Variants in TTN observed in about 807,000 individuals in gnomAD.
TTN encodes the protein connectin.
Under a neutral mutation model 3,223.0 loss-of-function variants are expected in TTN, and 1,525 were observed. The observed-to-expected ratio is 0.47, with a 90% CI of 0.45 to 0.49. TTN has a LOEUF of 0.49. TTN is among the 20% of genes least tolerant of loss of function. The pLI is 0.00. For synonymous variants in TTN, 14,094 were observed against 15,161.0 expected (o/e 0.93, Z 5.17); for missense variants, 40,786 against 43,424.0 (o/e 0.94, Z 5.40).
In TTN at chr2:178,757,708, T is replaced by G; in HGVS notation, c.10512A>C (p.Leu3504=). ...PEIQWFHNQQ[L]ILPTKDVVFH... ...AAACTACATCTTTTGTTGGTAGAAT[T>G]AGCTGCTGGTTATGAAACCATTGGA... Residue 3504 remains leucine, a synonymous_variant, in exon 45 of 363, where the codon CTA becomes CTC. Coordinates refer to ENST00000589042, the MANE Select transcript of TTN (RefSeq NM_001267550.2). 1 of 1,613,802 alleles carries G rather than the reference T, an allele frequency of 6.2e-7. No homozygotes were observed. Among genetic ancestry groups the G allele is most frequent in the Non-Finnish European group, 8.5e-7 (1 of 1,179,754 alleles).
At position 178,782,273 on chromosome 2, in the gene TTN, C is replaced by T. The variant is rs767741769; in HGVS notation, c.3319G>A (p.Gly1107Ser). 1.4e-5 allele frequency: 22 copies of T among 1,613,952 alleles called. No homozygotes were observed. Among genetic ancestry groups the T allele is most frequent in the Middle Eastern group, 1.6e-4 (1 of 6,084 alleles). ...CAGTATACATGGGGCTTTGGGTTGC[C>T]GCCAACTTGGCATCCAAACACCACG... ...GSVVFGCQVGGNPKPHVYWKK... is the reference protein window; with the variant it reads ...GSVVFGCQVGSNPKPHVYWKK... Residue 1107 changes from glycine (G) to serine (S), a missense_variant, in exon 20 of 363, where the codon GGC (glycine) becomes AGC (serine). Coordinates refer to ENST00000589042, the MANE Select transcript of TTN (RefSeq NM_001267550.2).
Position 178,575,753 on chromosome 2 carries a change from A to C in TTN, c.70379T>G (p.Leu23460Arg), listed in dbSNP as rs879027466. Residue 23460 changes from leucine (L) to arginine (R), a missense_variant, in exon 326 of 363, where the codon CTG becomes CGG. By Grantham distance (102) the Leu-to-Arg change is moderately radical (BLOSUM62 -2). Coordinates refer to ENST00000589042, the MANE Select transcript of TTN (RefSeq NM_001267550.2). This position sits in a 1 kb window ranked among gnomAD's most constrained non-coding sequence, Gnocchi z 4.0. ...TGTTATACGTGAGCCTCCATCTATCAGAGGGAGGTCCCAGTGCAGGGTGAC... is the reference window on the plus strand; with the variant it reads ...TGTTATACGTGAGCCTCCATCTATCCGAGGGAGGTCCCAGTGCAGGGTGAC... ...DSVTLHWDLP[L>R]IDGGSRITNY... is the part of the protein sequence containing the mutation. 2.5e-6 allele frequency: 4 copies of C among 1,613,388 alleles called. No homozygotes were observed. The African/African-American group carries it at 5.3e-5, about 22-fold the overall frequency.
Position 178,783,764 on chromosome 2 carries a change from G to A in TTN, c.2797C>T (p.Pro933Ser). ...GTAACAGGAATTTCAACAGGTGCTG[G>A]TACTCTTGCTGTTTCTGTTACCTAG... is the stretch of plus-strand genomic sequence containing the variant. The part of the protein sequence containing the change: ...EAKVTETARV[P>S]APVEIPVTPP... Residue 933 changes from proline (P) to serine (S), a missense_variant, in exon 17 of 363, where the codon CCA (proline) becomes TCA (serine). Transcript: ENST00000589042. 6.2e-7 allele frequency: 1 copy of A among 1,612,686 alleles called. No individual in the cohort carries two copies. The highest frequency in any genetic ancestry group is 1.1e-5 in the South Asian group (1 of 91,016).
Position 178,741,735 on chromosome 2 carries a change from A to G in TTN, c.11498T>C (p.Met3833Thr), listed in dbSNP as rs2082519187. The change falls in exon 48 of 363, where the codon ATG becomes ACG. Residue 3833 changes from methionine (M) to threonine (T), a missense_variant. Met to Thr is a moderately conservative substitution (Grantham distance 81, BLOSUM62 -1). Coordinates refer to ENST00000589042, the MANE Select transcript of TTN (RefSeq NM_001267550.2). ...TACAGACAGTGTAGCCACATCCCCCATGCTTATATCAGCATTTGACACTTC... is the reference window on the plus strand; with the variant it reads ...TACAGACAGTGTAGCCACATCCCCCGTGCTTATATCAGCATTTGACACTTC... ...IKEVSNADISMGDVATLSVTV... is the reference protein window; with the variant it reads ...IKEVSNADISTGDVATLSVTV... The G allele has an allele frequency of 6.2e-6, 10 of 1,613,690 alleles. No individual in the cohort carries two copies. Among genetic ancestry groups the G allele is most frequent in the Non-Finnish European group, 8.5e-6 (10 of 1,179,730 alleles).
chr2:178,714,751 T>G (rs573313217), intron 90 of TTN, among the ~76,000 whole-genome samples, 178 bp from the exon 91 acceptor site: 2 of 152,262 alleles, frequency 1.3e-5, no homozygotes, highest in South Asian at 4.1e-4. Flanking sequence ...AAGTTGAATA[T>G]CTCATCTACT....
chr2:178,652,534 C>A lies in TTN; in HGVS notation c.39051G>T (p.Glu13017Asp). ...KPEVPPVKVP[E>D]APKEVVPEKK... ...TTTCAGGAACAACTTCTTTCGGAGC[C>A]TCTGGCACTTAAAAGATATTAGTGA... Residue 13017 changes from glutamate to aspartate, a missense_variant, in exon 202 of 363, where the codon GAG becomes GAT. Transcript: ENST00000589042. 6.2e-7 allele frequency: 1 copy of A among 1,613,356 alleles called. No homozygotes were observed. The highest frequency in any genetic ancestry group is 1.1e-5 in the South Asian group (1 of 91,052).
In TTN at chr2:178,767,945, C is replaced by A. The variant is rs755061460; in HGVS notation, c.9306-21G>T. On this transcript the variant is annotated intron_variant, in intron 39 of 362. Transcript: ENST00000589042. ...TTATTCTATGGATGAAATGGAAATT[C>A]GAGTTTACCGTATGGTGATTCAGAG... is the stretch of plus-strand genomic sequence containing the variant. The A allele has an allele frequency of 2.6e-5, 42 of 1,613,790 alleles. No individual in the cohort carries two copies. In the East Asian group the frequency reaches 9.1e-4, roughly 35 times the overall value.
chr2:178,633,342 T>C lies in TTN; in HGVS notation c.42947-16A>G. 6.2e-7 allele frequency: 1 copy of C among 1,612,998 alleles called. No individual in the cohort carries two copies. Among genetic ancestry groups the C allele is most frequent in the Non-Finnish European group, 8.5e-7 (1 of 1,179,450 alleles). On this transcript the variant is annotated splice_polypyrimidine_tract_variant and intron_variant, in intron 232 of 362. Transcript: ENST00000589042. Reference sequence around the variant, plus strand: ...ATTAGTCGAGCTGAAATGATACAGTTTTGTTAGCATGACTGAACTAATAAA... The same window carrying C: ...ATTAGTCGAGCTGAAATGATACAGTCTTGTTAGCATGACTGAACTAATAAA...
In TTN at chr2:178,570,319, T is replaced by C; in HGVS notation, c.75813A>G (p.Glu25271=). The C allele has an allele frequency of 6.2e-7, 1 of 1,613,310 alleles. No homozygotes were observed. Among genetic ancestry groups the C allele is most frequent in the Non-Finnish European group, 8.5e-7 (1 of 1,179,600 alleles). ...TLSCKVTKLL[E]GNEYTFRIMA... The stretch of plus-strand genomic sequence containing the variant: ...TTATACGGAAAGTATATTCATTGCC[T>C]TCAAGAAGCTTAGTAACCTTGCAGC... Residue 25271 remains glutamate, a synonymous_variant, in exon 326 of 363, where the codon GAA becomes GAG. Coordinates refer to ENST00000589042, the MANE Select transcript of TTN (RefSeq NM_001267550.2).
intron 47 of TTN, among the ~76,000 whole-genome samples, chr2:178,743,278 G>A (rs1424441252): frequency 6.6e-6 from 1 of 152,000 alleles, no homozygotes. Context: ...TGTTGTGGTA[G>A]CAGCTATTAA....
chr2:178,545,337 G>A, intron 344 of TTN, 51 bp downstream of exon 344: 1 of 1,476,560 alleles, frequency 6.8e-7, no homozygotes, highest in Non-Finnish European at 9.0e-7. Context: ...AAAATTATCT[G>A]TCATATAGTT....
Position 178,620,710 on chromosome 2 carries a change from C to G in TTN, c.45895+5G>C, listed in dbSNP as rs1206842325. On this transcript the variant is annotated splice_donor_5th_base_variant and intron_variant, in intron 247 of 362. Coordinates refer to ENST00000589042, the MANE Select transcript of TTN (RefSeq NM_001267550.2). ...AAAATCTCTAGTGGTATATAAATTA[C>G]TTACCTTCTACTATTAGATTGGCTG... The G allele has an allele frequency of 6.2e-7, 1 of 1,611,704 alleles. No individual in the cohort carries two copies.
intron 228 of TTN, 147 bp downstream of exon 228, chr2:178,635,018 T>A: frequency 7.3e-7 from 1 of 1,361,128 alleles, no homozygotes; most frequent in Non-Finnish European, 9.9e-7. Flanking sequence ...CCCCAAATGA[T>A]ACGTAAAATT....
rs867960496 is a variant in TTN at position 178,566,891 on chromosome 2, C to T, written c.79241G>A (p.Gly26414Asp). 4.3e-6 allele frequency: 7 copies of T among 1,613,470 alleles called. No homozygotes were observed. The African/African-American group carries it at 6.7e-5, about 15-fold the overall frequency. Residue 26414 changes from glycine to aspartate, a missense_variant, in exon 326 of 363, where the codon GGT (glycine) becomes GAT (aspartate). Transcript: ENST00000589042. ...AATGTAACCAATAATCTCACTTCCA[C>T]CATCACTATCTGGACGGTTCCAACA... Reference protein sequence around the residue: ...TVCWNRPDSDGGSEIIGYIVE... With the variant: ...TVCWNRPDSDDGSEIIGYIVE...
chr2:178,632,256 GT>G lies in TTN; in HGVS notation c.43637del (p.Asp14546AlafsTer23). The part of the protein sequence containing the change: ...LHTTRSVSMQ[D>X]EGKTHSITFK... ...ATGTGATCGAATGAGTTTTCCCTTC[GT>G]CTTGCATTGAGACCGACCTGGTGGT... On this transcript the variant is annotated frameshift_variant, in exon 236 of 363. Coordinates refer to ENST00000589042, the MANE Select transcript of TTN (RefSeq NM_001267550.2). LOFTEE classifies it high-confidence loss of function. 1 of 1,608,768 alleles carries G rather than the reference GT, an allele frequency of 6.2e-7. No homozygotes were observed. The highest frequency in any genetic ancestry group is 8.5e-7 in the Non-Finnish European group (1 of 1,177,414).
In TTN at chr2:178,740,580, A is replaced by G. The variant is rs374631591; in HGVS notation, c.12653T>C (p.Ile4218Thr). 8.9e-5 allele frequency: 143 copies of G among 1,613,744 alleles called. No individual in the cohort carries two copies. Among genetic ancestry groups the G allele is most frequent in the Middle Eastern group, 1.6e-4 (1 of 6,084 alleles). Residue 4218 changes from isoleucine to threonine, a missense_variant, in exon 48 of 363, where the codon ATA becomes ACA. Coordinates refer to ENST00000589042, the MANE Select transcript of TTN (RefSeq NM_001267550.2). ...EPEGNYPQSS[I>T]EPPMHSYLTS... Reference sequence around the variant, plus strand: ...TAGATAAGAATGCATTGGAGGTTCTATTGAAGACTGTGGATAATTCCCTTC... The same window carrying G: ...TAGATAAGAATGCATTGGAGGTTCTGTTGAAGACTGTGGATAATTCCCTTC...
chr2:178,799,201 G>A (rs371204637), intron 6 of TTN: 3 of 417,646 alleles, frequency 7.2e-6, no homozygotes, highest in Non-Finnish European at 1.3e-5. Context: ...CCGCCCAAAT[G>A]TTGCATTTCC....
intron 138 of TTN, 39 bp from the exon 139 acceptor site, chr2:178,680,370 A>G (rs553571810): frequency 6.4e-7 from 1 of 1,556,012 alleles, no homozygotes; most frequent in Non-Finnish European, 8.8e-7. Context: ...ATTGTCAGTA[A>G]AAGGCCACCC....
Position 178,552,028 on chromosome 2 carries a change from T to C in TTN, c.90872A>G (p.Lys30291Arg), listed in dbSNP as rs1575514675. The change falls in exon 335 of 363, where the codon AAA (lysine) becomes AGA (arginine). Residue 30291 changes from lysine (K) to arginine (R), a missense_variant. Physicochemically the swap from Lys to Arg is conservative, Grantham distance 26. Coordinates refer to ENST00000589042, the MANE Select transcript of TTN (RefSeq NM_001267550.2). ...RTTFKVPNLVKDAEYQFRVRA... is the reference protein window; with the variant it reads ...RTTFKVPNLVRDAEYQFRVRA... ...CACTCTAAACTGGTACTCAGCATCT[T>C]TGACTAGATTAGGAACTTTGAAAGT... 1 of 1,613,486 alleles carries C rather than the reference T, an allele frequency of 6.2e-7. No individual in the cohort carries two copies.
Sources: gnomAD v4.1 joint callset for allele counts (sites outside exome capture counted in the v4.1 genomes callset) on GRCh38, gnomAD v4.1.1 for gene constraint, Gnocchi (gnomAD v3.1) non-coding constraint, MANE v1.5 for transcripts, NCBI Gene and HGNC (gene_info 2026-07-23, HGNC 2026-07-21) for gene names.